Variants in ADAMTS20 observed in about 807,000 individuals in gnomAD.
ADAMTS20 encodes the protein A disintegrin and metalloproteinase with thrombospondin motifs 20.
ADAMTS20 carries 225 observed loss-of-function variants against 260.1 expected under a neutral mutation model. That is an observed-to-expected ratio of 0.87 (90% CI 0.78 to 0.97). ADAMTS20 has a LOEUF of 0.97. Among genes scored for constraint, ADAMTS20 ranks in the 50% least tolerant of loss-of-function variants. The probability of loss-of-function intolerance (pLI) is 0.00; values close to 1 mark genes in which losing one functional copy is unlikely to be tolerated. For missense variants in ADAMTS20, 2,400 were observed against 2,337.7 expected (o/e 1.03, Z -0.55); for synonymous variants, 802 against 769.5 (o/e 1.04, Z -0.70).
intron 16 of ADAMTS20, among the ~76,000 whole-genome samples, chr12:43,442,988 T>C (rs567864331): frequency 2.6e-5 from 4 of 152,326 alleles, no homozygotes; most frequent in Admixed American, 1.3e-4. Flanking sequence ...CCAAATGCAA[T>C]TCCTGAGATA....
chr12:43,535,485 A>G (rs150078877), intron 2 of ADAMTS20, among the ~76,000 whole-genome samples: 185 of 152,246 alleles, frequency 1.2e-3, no homozygotes, highest in African/African-American at 4.2e-3. Flanking sequence ...TTAACCTATA[A>G]ACTCCTTCAT....
At chr12:43,463,270 T>C (rs1322592382) in intron 10 of ADAMTS20, among the ~76,000 whole-genome samples, 1 of 152,236 alleles carries the variant, frequency 6.6e-6, no homozygotes, top group Non-Finnish European at 1.5e-5. Context: ...TCAAAATTAT[T>C]TGAGATAGTT....
At chr12:43,484,964 C>T (rs1028983504) in intron 7 of ADAMTS20, among the ~76,000 whole-genome samples, 11 of 151,846 alleles carry the variant, frequency 7.2e-5, no homozygotes, top group South Asian at 2.1e-4. Context: ...CTACTGAATT[C>T]GATCAGACAT....
At position 43,527,534 on chromosome 12, in the gene ADAMTS20, C is replaced by T. The variant is rs1592111188; in HGVS notation, c.613+4502G>A. ...ATCCAAGGATCCAGGGATGGTTTAA[C>T]ATACACAAGTCAATAAAGGTAATAT... On this transcript the variant is annotated intron_variant, in intron 3 of 38. Transcript: ENST00000389420. Among the ~76,000 whole-genome samples the T allele has an allele frequency of 2.0e-5, 3 of 152,106 alleles. 1 individual carries two copies. The East Asian group carries it at 5.8e-4, about 29-fold the overall frequency.
chr12:43,411,286 C>T (rs557429895), intron 28 of ADAMTS20, among the ~76,000 whole-genome samples: 1 of 152,052 alleles, frequency 6.6e-6, no homozygotes, highest in Non-Finnish European at 1.5e-5. Flanking sequence ...CTAAATGAAA[C>T]CTTTAAGTTT....
At chr12:43,477,122 T>A (rs2137405804) in intron 7 of ADAMTS20, among the ~76,000 whole-genome samples, 1 of 151,398 alleles carries the variant, frequency 6.6e-6, no homozygotes, top group South Asian at 2.1e-4. Context: ...GGGATAATAA[T>A]GCTTTCATCA....
intron 3 of ADAMTS20, among the ~76,000 whole-genome samples, chr12:43,511,816 A>T (rs953313988): frequency 1.3e-5 from 2 of 152,148 alleles, no homozygotes. Context: ...GCAACAATCC[A>T]TTTTTTAAAT....
At chr12:43,408,536 A>G (rs1329879479) in intron 28 of ADAMTS20, among the ~76,000 whole-genome samples, 3 of 152,198 alleles carry the variant, frequency 2.0e-5, no homozygotes, top group African/African-American at 7.2e-5. Flanking sequence ...AAGTAGGGTT[A>G]TAAAGGCCTA....
chr12:43,402,567 A>C (rs1440922933), intron 28 of ADAMTS20, among the ~76,000 whole-genome samples: 1 of 152,006 alleles, frequency 6.6e-6, no homozygotes, highest in Non-Finnish European at 1.5e-5. Context: ...TTTTAGTTGG[A>C]ATGAGGCATC....
chr12:43,387,204 A>G (rs891663073), intron 29 of ADAMTS20, among the ~76,000 whole-genome samples: 2 of 152,116 alleles, frequency 1.3e-5, no homozygotes, highest in Admixed American at 1.3e-4. Context: ...TGTTCATGCC[A>G]TTGCTTTCTG....
chr12:43,454,106 C>A, intron 11 of ADAMTS20, 54 bp from the exon 12 acceptor site: 2 of 1,565,754 alleles, frequency 1.3e-6, no homozygotes, highest in Non-Finnish European at 1.7e-6. Flanking sequence ...ATTAGAACAT[C>A]ACAAAAATTA....
intron 11 of ADAMTS20, among the ~76,000 whole-genome samples, chr12:43,455,225 T>A (rs912566185): frequency 2.6e-5 from 4 of 151,916 alleles, no homozygotes; most frequent in African/African-American, 7.3e-5. Flanking sequence ...AATTTTCTTA[T>A]TAAAAATGAA....
chr12:43,376,580 T>C lies in ADAMTS20; in HGVS notation c.5069A>G (p.Asp1690Gly), dbSNP rs1317226975. The C allele has an allele frequency of 6.2e-7, 1 of 1,613,738 alleles. No homozygotes were observed. The highest frequency in any genetic ancestry group is 8.5e-7 in the Non-Finnish European group (1 of 1,179,770). ...KCITKHGLSS[D>G]LCLNHLKPGA... is the part of the protein sequence containing the mutation. ...TGGTTTTAAATGGTTTAAACATAAGTCACTGGACAAACCATGTTTGGTAAT... is the reference window on the plus strand; with the variant it reads ...TGGTTTTAAATGGTTTAAACATAAGCCACTGGACAAACCATGTTTGGTAAT... The change falls in exon 33 of 39, where the codon GAC becomes GGC. Residue 1690 changes from aspartate (D) to glycine (G), a missense_variant. Physicochemically the swap from Asp to Gly is moderately conservative, Grantham distance 94. Coordinates refer to ENST00000389420, the MANE Select transcript of ADAMTS20 (RefSeq NM_025003.5).
chr12:43,375,621 G>GC, intron 35 of ADAMTS20, 109 bp from the exon 36 acceptor site: 1 of 1,209,556 alleles, frequency 8.3e-7, no homozygotes, highest in Non-Finnish European at 1.2e-6. Context: ...TAATATTATA[G>GC]TGTCAACAAG....
At chr12:43,376,683 C>A (rs759626419) in intron 32 of ADAMTS20, 30 bp from the exon 33 acceptor site, 2 of 1,586,094 alleles carry the variant, frequency 1.3e-6, no homozygotes, top group Non-Finnish European at 1.7e-6. Context: ...TGAAGGCAAA[C>A]TATATTATGA....
intron 2 of ADAMTS20, among the ~76,000 whole-genome samples, chr12:43,541,037 A>G (rs933427690): frequency 1.3e-5 from 2 of 152,148 alleles, no homozygotes; most frequent in Non-Finnish European, 2.9e-5. Context: ...GCTACAACCA[A>G]TAAGGTACTC....
At chr12:43,366,042 C>T (rs895269553) in intron 37 of ADAMTS20, among the ~76,000 whole-genome samples, 6 of 151,480 alleles carry the variant, frequency 4.0e-5, no homozygotes, top group African/African-American at 1.5e-4. Context: ...CCAGACATAG[C>T]GATAGTGATG....
chr12:43,505,797 A>G (rs1395441044), intron 3 of ADAMTS20, among the ~76,000 whole-genome samples: 1 of 152,206 alleles, frequency 6.6e-6, no homozygotes, highest in Non-Finnish European at 1.5e-5. Context: ...ACTGGGGTAA[A>G]TATCCAAAAA....
chr12:43,386,794 G>A (rs1321152857), intron 29 of ADAMTS20, among the ~76,000 whole-genome samples: 1 of 152,148 alleles, frequency 6.6e-6, no homozygotes, highest in Non-Finnish European at 1.5e-5. Context: ...TGATACTTGT[G>A]TATGCTTCAC....
Sources: allele counts gnomAD v4.1 joint callset (sites outside exome capture counted in the v4.1 genomes callset), GRCh38; gene constraint gnomAD v4.1.1; transcripts MANE v1.5; gene names NCBI Gene and HGNC (gene_info 2026-07-23, HGNC 2026-07-21).